The following PRKAG2 variants were observed in gnomAD, a reference collection of about 807,000 sequenced individuals.
PRKAG2 encodes the protein 5'-AMP-activated protein kinase subunit gamma-2.
Under a neutral mutation model 69.6 loss-of-function variants are expected in PRKAG2, and 26 were observed. The observed-to-expected ratio is 0.37, with a 90% CI of 0.27 to 0.52. The LOEUF is 0.52. PRKAG2 is among the 20% of genes least tolerant of loss of function. The pLI is 0.90. For synonymous variants in PRKAG2, 293 were observed against 285.0 expected, an observed-to-expected ratio of 1.03 and a Z score of -0.28; for missense variants, 557 against 740.0, an observed-to-expected ratio of 0.75 and a Z score of 2.87.
At chr7:151,865,273 A>ACTGGGCGATGCCCCTC (rs1563765318) in intron 1 of PRKAG2, among the ~76,000 whole-genome samples, 1 of 152,198 alleles carries the variant, frequency 6.6e-6, no homozygotes, top group Non-Finnish European at 1.5e-5. Flanking sequence ...GCTGGCATGG[A>ACTGGGCGATGCCCCTC]GCCGACTGGG....
At position 151,645,638 on chromosome 7, in the gene PRKAG2, T is replaced by C. The variant is rs144873226; in HGVS notation, c.685-13500A>G. Among the ~76,000 whole-genome samples the C allele has an allele frequency of 3.1e-4, 47 of 152,338 alleles. 1 individual carries two copies. The East Asian group carries it at 7.3e-3, about 24-fold the overall frequency. ...TGTCAGACACATGTACTGTGAATAG[T>C]GAATATTTTCTCTCCTTCTGTGGCT... On this transcript the variant is annotated intron_variant, in intron 4 of 15. Coordinates refer to ENST00000287878, the MANE Select transcript of PRKAG2 (RefSeq NM_016203.4).
intron 1 of PRKAG2, among the ~76,000 whole-genome samples, chr7:151,839,850 G>A (rs1050644172): frequency 2.7e-4 from 41 of 152,206 alleles, no homozygotes; most frequent in African/African-American, 8.7e-4. Flanking sequence ...CAGGGACACC[G>A]TGTGGCCCAG....
At chr7:151,798,647 T>G (rs951553008) in intron 1 of PRKAG2, among the ~76,000 whole-genome samples, 1 of 152,082 alleles carries the variant, frequency 6.6e-6, no homozygotes, top group African/African-American at 2.4e-5. Flanking sequence ...GTGTTGTGGG[T>G]GAAAAAGTCT....
At chr7:151,677,053 G>C (rs1447644010) in intron 3 of PRKAG2, among the ~76,000 whole-genome samples, 1 of 152,206 alleles carries the variant, frequency 6.6e-6, no homozygotes, top group African/African-American at 2.4e-5. Context: ...CTTCAGGACA[G>C]GGCTAAATTT....
chr7:151,823,525 A>G (rs1449598843), intron 1 of PRKAG2, among the ~76,000 whole-genome samples: 1 of 151,288 alleles, frequency 6.6e-6, no homozygotes, highest in Non-Finnish European at 1.5e-5. Flanking sequence ...GTCCAGGGAC[A>G]AGAGAGTAGA....
chr7:151,774,009 A>C (rs2076210998), intron 3 of PRKAG2, among the ~76,000 whole-genome samples: 1 of 152,178 alleles, frequency 6.6e-6, no homozygotes, highest in Non-Finnish European at 1.5e-5. Flanking sequence ...AAGAGGTGGC[A>C]CGCCAGATTT....
chr7:151,807,716 G>A lies in PRKAG2; in HGVS notation c.115-21175C>T. On this transcript the variant is annotated intron_variant, in intron 1 of 15. Coordinates refer to ENST00000287878, the MANE Select transcript of PRKAG2 (RefSeq NM_016203.4). This position sits in a 1 kb window ranked among gnomAD's most constrained non-coding sequence, Gnocchi z 4.4. ...TTCCCGGGCCCCTCACTTGGGTCAA[G>A]GCAGCATTTCAGAGGAAGCCAGGAG... 7.3e-6 allele frequency: 3 copies of A among 411,928 alleles called. No homozygotes were observed. Among genetic ancestry groups the A allele is most frequent in the Non-Finnish European group, 1.5e-5 (3 of 201,906 alleles). The allele number at this position is 411,928 out of a possible 1,614,324, so 25.5% of individuals were successfully genotyped here. A position where few individuals can be genotyped will look rare whatever the true frequency, so the allele number is the denominator to read the frequency against.
intron 3 of PRKAG2, among the ~76,000 whole-genome samples, chr7:151,701,680 A>G (rs906521157): frequency 5.9e-5 from 9 of 152,032 alleles, no homozygotes; most frequent in African/African-American, 1.9e-4. Context: ...CATCTCTACT[A>G]AAAATACAAA....
At chr7:151,569,203 AC>A (rs1806979896) in intron 10 of PRKAG2, among the ~76,000 whole-genome samples, 2 of 151,980 alleles carry the variant, frequency 1.3e-5, no homozygotes, top group African/African-American at 2.4e-5. Flanking sequence ...GGCATGCGCC[AC>A]CTTTCTTTTT....
chr7:151,591,567 C>T (rs79870600), intron 6 of PRKAG2, among the ~76,000 whole-genome samples: 1 of 152,184 alleles, frequency 6.6e-6, no homozygotes, highest in East Asian at 1.9e-4. Flanking sequence ...GTTGTCACTC[C>T]ACACTCCACC....
chr7:151,735,152 G>A (rs552918973), intron 3 of PRKAG2, among the ~76,000 whole-genome samples: 19 of 152,204 alleles, frequency 1.2e-4, no homozygotes, highest in African/African-American at 4.3e-4. Context: ...CACCGCGCCC[G>A]GCCTCTGATT....
intron 3 of PRKAG2, among the ~76,000 whole-genome samples, chr7:151,745,804 G>T (rs2074241933): frequency 2.0e-5 from 3 of 152,132 alleles, no homozygotes; most frequent in Admixed American, 1.3e-4. Context: ...AATCTGGAAG[G>T]GGCATCGCAT....
intron 6 of PRKAG2, among the ~76,000 whole-genome samples, chr7:151,584,667 G>A (rs567313772): frequency 6.6e-5 from 10 of 152,318 alleles, no homozygotes; most frequent in South Asian, 6.2e-4. Context: ...AGGCCGCAGC[G>A]CTGAGGATCG....
At chr7:151,769,787 G>GGGGCTGGGGTGCT (rs770596429) in intron 3 of PRKAG2, among the ~76,000 whole-genome samples, 3 of 152,196 alleles carry the variant, frequency 2.0e-5, no homozygotes, top group Non-Finnish European at 4.4e-5. Context: ...CACTGCTTGC[G>GGGGCTGGGGTGCT]GGGCTGGGGT....
intron 4 of PRKAG2, among the ~76,000 whole-genome samples, chr7:151,671,438 C>T (rs529750892): frequency 6.6e-6 from 1 of 152,266 alleles, no homozygotes; most frequent in East Asian, 1.9e-4. Flanking sequence ...ATCAGCCAAG[C>T]ACATAAGGAA....
intron 1 of PRKAG2, among the ~76,000 whole-genome samples, chr7:151,875,309 CG>C (rs2080360040): frequency 6.6e-6 from 1 of 152,006 alleles, no homozygotes; most frequent in African/African-American, 2.4e-5. Context: ...TTCACCCAAG[CG>C]TTAGGCACGT....
At chr7:151,729,331 T>C (rs1371510618) in intron 3 of PRKAG2, among the ~76,000 whole-genome samples, 14 of 151,140 alleles carry the variant, frequency 9.3e-5, no homozygotes, top group Admixed American at 9.2e-4. Flanking sequence ...CCCCTAGGAG[T>C]CTTCTGTTTG....
intron 6 of PRKAG2, among the ~76,000 whole-genome samples, chr7:151,590,091 T>C (rs757825007): frequency 9.9e-5 from 15 of 152,162 alleles, no homozygotes; most frequent in Non-Finnish European, 1.8e-4. Flanking sequence ...GGCCATGGCA[T>C]TGTGACTAAA....
chr7:151,706,261 G>C (rs1268725196), intron 3 of PRKAG2, among the ~76,000 whole-genome samples: 1 of 152,154 alleles, frequency 6.6e-6, no homozygotes, highest in East Asian at 1.9e-4. Flanking sequence ...CTGCCTCTTT[G>C]CCCTGTAGCA....
Sources: allele counts gnomAD v4.1 joint callset (sites outside exome capture counted in the v4.1 genomes callset), GRCh38; gene constraint gnomAD v4.1.1; non-coding constraint Gnocchi (gnomAD v3.1); transcripts MANE v1.5; gene names NCBI Gene and HGNC (gene_info 2026-07-23, HGNC 2026-07-21).